Variants in AK8 observed in about 807,000 individuals in gnomAD.
The protein encoded by AK8 is adenylate kinase 8.
In AK8, 44 loss-of-function variants were observed where a neutral mutation model predicts 54.6. The ratio of observed to expected loss-of-function variants is 0.81; its 90% CI spans 0.63 to 1.04. The LOEUF (loss-of-function observed/expected upper bound fraction) is 1.04. AK8 is among the 50% of genes least tolerant of loss of function. AK8 has a pLI of 0.00. For missense variants in AK8, 555 were observed against 613.6 expected, an observed-to-expected ratio of 0.90 and a Z score of 1.01; for synonymous variants, 239 against 245.6, an observed-to-expected ratio of 0.97 and a Z score of 0.25.
At position 132,821,777 on chromosome 9, in the gene AK8, G is replaced by A. The variant is rs1179809324; in HGVS notation, c.889+1428C>T. The stretch of plus-strand genomic sequence containing the variant: ...CAAATATATACATATATGTATATGT[G>A]TATGTATATACAAATATATACATAT... On this transcript the variant is annotated intron_variant, in intron 9 of 12. Coordinates refer to ENST00000298545, the MANE Select transcript of AK8 (RefSeq NM_152572.3). Among the ~76,000 whole-genome samples, 2 of 125,012 alleles carry A rather than the reference G, an allele frequency of 1.6e-5. 1 individual carries two copies. Among genetic ancestry groups the A allele is most frequent in the Non-Finnish European group, 3.4e-5 (2 of 59,564 alleles). 82.0% of individuals were successfully genotyped at this position (125,012 alleles called of 152,430 possible). A position where few individuals can be genotyped will look rare whatever the true frequency, so the allele number is the denominator to read the frequency against.
rs912166878 is a variant in AK8, at chr9:132,762,508, A to G, written c.1121+30126T>C. Among the ~76,000 whole-genome samples, 5 of 152,214 alleles carry G rather than the reference A, an allele frequency of 3.3e-5. 1 individual carries two copies. The South Asian group carries it at 8.3e-4, about 25-fold the overall frequency. On this transcript the variant is annotated intron_variant, in intron 11 of 12. Transcript: ENST00000298545. ...CCTCTAGTCAGCTCTCCCTTCCACA[A>G]AGACGGCCAAACAGTGAATAAACAA...
chr9:132,852,456 A>G (rs1843001041), intron 5 of AK8, among the ~76,000 whole-genome samples: 2 of 152,058 alleles, frequency 1.3e-5, no homozygotes, highest in South Asian at 4.1e-4. Flanking sequence ...AAAAAATACA[A>G]AAAATTAGCC....
At chr9:132,804,434 G>C (rs940198781) in intron 10 of AK8, among the ~76,000 whole-genome samples, 17 of 152,268 alleles carry the variant, frequency 1.1e-4, no homozygotes, top group Non-Finnish European at 2.4e-4. Context: ...CCAAAGGCTG[G>C]GGGGAGGTCA....
intron 5 of AK8, among the ~76,000 whole-genome samples, chr9:132,852,769 CA>C (rs35786801): frequency 0.056 from 918 of 16,410 alleles, 1 homozygote; most frequent in East Asian, 0.075. Flanking sequence ...GATTAGGTCT[CA>C]AAAAAAAAAA....
At chr9:132,817,033 G>C (rs1368071889) in intron 9 of AK8, among the ~76,000 whole-genome samples, 1 of 152,176 alleles carries the variant, frequency 6.6e-6, no homozygotes, top group Non-Finnish European at 1.5e-5. Flanking sequence ...AAAGCTACTG[G>C]GAAGCTGTGA....
chr9:132,820,886 G>A (rs1007829189), intron 9 of AK8, among the ~76,000 whole-genome samples: 3 of 152,126 alleles, frequency 2.0e-5, no homozygotes, highest in Non-Finnish European at 2.9e-5. Flanking sequence ...AAGGCTACCT[G>A]CCTTAGGTCT....
At chr9:132,817,622 A>C (rs1196969732) in intron 9 of AK8, among the ~76,000 whole-genome samples, 1 of 152,220 alleles carries the variant, frequency 6.6e-6, no homozygotes, top group East Asian at 1.9e-4. Flanking sequence ...TGCTGCAATC[A>C]GTGAATTTAA....
Position 132,823,200 on chromosome 9 carries a change from C to A in AK8, c.889+5G>T. 6.4e-7 allele frequency: 1 copy of A among 1,560,990 alleles called. No homozygotes were observed. Among genetic ancestry groups the A allele is most frequent in the Admixed American group, 1.9e-5 (1 of 52,620 alleles). On this transcript the variant is annotated splice_donor_5th_base_variant and intron_variant, in intron 9 of 12. Coordinates refer to ENST00000298545, the MANE Select transcript of AK8 (RefSeq NM_152572.3). ...GCTGGGCAGCCCAGCACCTGGGGCA[C>A]TCACCATTGACAAGCCTGTATTTCT... is the stretch of plus-strand genomic sequence containing the variant.
chr9:132,806,411 A>G (rs1840726633), intron 10 of AK8, among the ~76,000 whole-genome samples: 1 of 152,090 alleles, frequency 6.6e-6, no homozygotes, highest in South Asian at 2.1e-4. Flanking sequence ...TCTATTAATC[A>G]ACTTGTAAAT....
chr9:132,802,208 G>C (rs531482786), intron 10 of AK8, among the ~76,000 whole-genome samples: 1 of 151,914 alleles, frequency 6.6e-6, no homozygotes, highest in Non-Finnish European at 1.5e-5. Flanking sequence ...TCCCAGGCAC[G>C]TGGTGCAGCC....
At chr9:132,871,489 G>A (rs531857247) in intron 2 of AK8, among the ~76,000 whole-genome samples, 4 of 152,292 alleles carry the variant, frequency 2.6e-5, no homozygotes, top group South Asian at 2.1e-4. Flanking sequence ...GTGGAGTGCA[G>A]GGCTGTGGGA....
Position 132,878,153 on chromosome 9 carries a change from G to A in AK8, c.84+19C>T, listed in dbSNP as rs766128051. The A allele has an allele frequency of 6.5e-7, 1 of 1,528,986 alleles. No homozygotes were observed. The highest frequency in any genetic ancestry group is 2.1e-5 in the Admixed American group (1 of 48,146). The allele number at this position is 1,528,986 out of a possible 1,614,324, so 94.7% of individuals were successfully genotyped here. On this transcript the variant is annotated intron_variant, in intron 1 of 12. Transcript: ENST00000298545. The surrounding 1 kb of genome is among the most constrained non-coding windows in gnomAD (Gnocchi z 4.7). ...CCGAGCCGCCGCCAGCGTCGCGACG[G>A]GCAGGGGTGTCCGGTCACCTGCATC...
At chr9:132,858,291 C>T (rs199733799) in intron 4 of AK8, among the ~76,000 whole-genome samples, 15 of 152,356 alleles carry the variant, frequency 9.8e-5, no homozygotes, top group East Asian at 7.7e-4. Context: ...TCCAAGGTGC[C>T]GCCCGCTGTT....
chr9:132,805,415 C>T (rs991277577), intron 10 of AK8, among the ~76,000 whole-genome samples: 1 of 152,200 alleles, frequency 6.6e-6, no homozygotes, highest in African/African-American at 2.4e-5. Context: ...GCCAGACCTA[C>T]CCCCCTCCGG....
At chr9:132,736,323 A>T (rs1837111250) in intron 11 of AK8, among the ~76,000 whole-genome samples, 2 of 151,194 alleles carry the variant, frequency 1.3e-5, no homozygotes, top group Non-Finnish European at 2.9e-5. Flanking sequence ...AGTAGCTGGG[A>T]TTACAGGTGT....
intron 5 of AK8, among the ~76,000 whole-genome samples, chr9:132,838,602 C>T (rs1842418550): frequency 6.6e-6 from 1 of 152,192 alleles, no homozygotes; most frequent in South Asian, 2.1e-4. Context: ...GAAGATTATG[C>T]AGAAGCAGAC....
intron 11 of AK8, among the ~76,000 whole-genome samples, chr9:132,748,408 A>G (rs1367398553): frequency 2.0e-5 from 3 of 151,982 alleles, no homozygotes; most frequent in Non-Finnish European, 2.9e-5. Context: ...AAGGACAAAG[A>G]GTGGGACGAC....
In AK8 at chr9:132,749,031, A is replaced by C. The variant is rs145540264; in HGVS notation, c.1122-21497T>G. Among the ~76,000 whole-genome samples the C allele has an allele frequency of 1.3e-3, 204 of 151,672 alleles. 3 individuals carry two copies. Among genetic ancestry groups the C allele is most frequent in the African/African-American group, 4.7e-3 (195 of 41,422 alleles). The stretch of plus-strand genomic sequence containing the variant: ...CTGGGATTACAGGTACCTGCCACCA[A>C]GCCCGGCTAATTTTTGTATTTTTAG... On this transcript the variant is annotated intron_variant, in intron 11 of 12. Transcript: ENST00000298545.
chr9:132,774,264 G>A (rs777280998), intron 11 of AK8, among the ~76,000 whole-genome samples: 13 of 152,150 alleles, frequency 8.5e-5, no homozygotes, highest in Non-Finnish European at 1.8e-4. Flanking sequence ...CTGCTCATGG[G>A]GGGGTTGGGG....
Sources: allele counts gnomAD v4.1 joint callset (sites outside exome capture counted in the v4.1 genomes callset), GRCh38; gene constraint gnomAD v4.1.1; non-coding constraint Gnocchi (gnomAD v3.1); transcripts MANE v1.5; gene names NCBI Gene and HGNC (gene_info 2026-07-23, HGNC 2026-07-21).